The following ZNF618 variants were observed in gnomAD, a reference collection of about 807,000 sequenced individuals.
ZNF618 encodes zinc finger protein 618.
ZNF618 carries 34 observed loss-of-function variants against 103.0 expected under a neutral mutation model. The ratio of observed to expected loss-of-function variants is 0.33; its 90% confidence interval spans 0.25 to 0.44. The LOEUF is 0.44. Among genes scored for constraint, ZNF618 ranks in the 20% least tolerant of loss-of-function variants. ZNF618 has a pLI of 1.00. For synonymous variants in ZNF618, 551 were observed against 542.2 expected, an observed-to-expected ratio of 1.02 and a Z score of -0.23; for missense variants, 1,059 against 1,295.4, an observed-to-expected ratio of 0.82 and a Z score of 2.80.
intron 1 of ZNF618, among the ~76,000 whole-genome samples, chr9:113,937,788 TCA>T (rs1181779515): frequency 7.2e-5 from 11 of 152,254 alleles, no homozygotes; most frequent in African/African-American, 2.7e-4. Context: ...AATGACACAA[TCA>T]CAGTTTTCTA....
In ZNF618 at chr9:113,973,259, C is replaced by T. The variant is rs1293367147; in HGVS notation, c.77+4099C>T. 2.0e-5 allele frequency among the ~76,000 whole-genome samples: 3 copies of T among 152,178 alleles called. No individual in the cohort carries two copies. The East Asian group carries it at 5.8e-4, about 29-fold the overall frequency. ...CCAAAGTCAGAATTAGATTAGACGG[C>T]TCTGAGCAGAATGACCTTGAAGGAC... On this transcript the variant is annotated intron_variant, in intron 2 of 14. Coordinates refer to ENST00000374126, the MANE Select transcript of ZNF618 (RefSeq NM_001318042.2).
intron 2 of ZNF618, among the ~76,000 whole-genome samples, chr9:113,976,439 T>C (rs1838473775): frequency 6.6e-6 from 1 of 152,204 alleles, no homozygotes; most frequent in Non-Finnish European, 1.5e-5. Context: ...GCCCTTGATC[T>C]GAGAAGGCAA....
intron 1 of ZNF618, among the ~76,000 whole-genome samples, chr9:113,881,159 C>A (rs1333139121): frequency 6.6e-6 from 1 of 152,140 alleles, no homozygotes; most frequent in East Asian, 1.9e-4. Flanking sequence ...GTCTTTTGTT[C>A]CCCACTTTTA....
At chr9:114,037,960 C>T (rs754074522) in intron 13 of ZNF618, among the ~76,000 whole-genome samples, 2 of 152,186 alleles carry the variant, frequency 1.3e-5, no homozygotes, top group Non-Finnish European at 2.9e-5. Context: ...GTGTCTCCAT[C>T]TCTAAAGCAA....
intron 1 of ZNF618, among the ~76,000 whole-genome samples, chr9:113,951,493 G>GTGTA (rs1434814780): frequency 1.9e-5 from 1 of 51,284 alleles, no homozygotes; most frequent in African/African-American, 6.4e-5. Flanking sequence ...ATATATGTGT[G>GTGTA]TATGTGTACA....
intron 1 of ZNF618, among the ~76,000 whole-genome samples, chr9:113,883,325 C>T (rs1049084512): frequency 6.6e-6 from 1 of 152,226 alleles, no homozygotes; most frequent in Non-Finnish European, 1.5e-5. Flanking sequence ...CGTCTGATGA[C>T]TTTCACCCCT....
At chr9:114,046,562 T>C (rs1161453205) in intron 13 of ZNF618, among the ~76,000 whole-genome samples, 3 of 152,214 alleles carry the variant, frequency 2.0e-5, no homozygotes, top group Non-Finnish European at 2.9e-5. Flanking sequence ...AACATGACTC[T>C]ACATGTTGAA....
intron 1 of ZNF618, among the ~76,000 whole-genome samples, chr9:113,965,287 C>A (rs570006563): frequency 6.6e-6 from 1 of 151,980 alleles, no homozygotes; most frequent in African/African-American, 2.4e-5. Flanking sequence ...TACATTTGCA[C>A]AAATTTAGAA....
intron 1 of ZNF618, among the ~76,000 whole-genome samples, chr9:113,930,722 C>G (rs1281478618): frequency 6.6e-6 from 1 of 152,204 alleles, no homozygotes; most frequent in Non-Finnish European, 1.5e-5. Flanking sequence ...GCCTTCCTCG[C>G]TCAGCAGTGG....
intron 1 of ZNF618, among the ~76,000 whole-genome samples, chr9:113,898,319 C>T (rs1016395879): frequency 2.6e-5 from 4 of 152,052 alleles, no homozygotes; most frequent in African/African-American, 9.7e-5. Flanking sequence ...TTTCCTTCGC[C>T]CTCCCCCTGT....
intron 13 of ZNF618, among the ~76,000 whole-genome samples, chr9:114,042,731 C>T (rs949270046): frequency 2.0e-5 from 3 of 152,092 alleles, no homozygotes; most frequent in Admixed American, 1.3e-4. Context: ...TTAGGAGGCT[C>T]AGGTGGAGGA....
At chr9:113,923,242 T>TTTTTG (rs563910418) in intron 1 of ZNF618, among the ~76,000 whole-genome samples, 1 of 152,196 alleles carries the variant, frequency 6.6e-6, no homozygotes, top group Non-Finnish European at 1.5e-5. Context: ...AAAGAAATTT[T>TTTTTG]TTTTGTTTTG....
At chr9:113,879,173 T>G (rs1587905651) in intron 1 of ZNF618, among the ~76,000 whole-genome samples, 8 of 138,796 alleles carry the variant, frequency 5.8e-5, no homozygotes, top group Admixed American at 1.5e-4. Flanking sequence ...TGGGGAGGGG[T>G]GGAGGGGGGT....
chr9:113,976,485 C>G (rs1197056999), intron 2 of ZNF618, among the ~76,000 whole-genome samples: 1 of 152,196 alleles, frequency 6.6e-6, no homozygotes, highest in Non-Finnish European at 1.5e-5. Flanking sequence ...ATCTGTCTGG[C>G]TCTGCTGACA....
chr9:114,022,690 C>CT (rs961301394), intron 10 of ZNF618, among the ~76,000 whole-genome samples: 6 of 147,790 alleles, frequency 4.1e-5, no homozygotes, highest in Admixed American at 2.7e-4. Context: ...CTCTTTCCCA[C>CT]TTTCTTTTTT....
intron 10 of ZNF618, 67 bp downstream of exon 10, chr9:114,016,851 C>A: frequency 7.6e-7 from 1 of 1,312,884 alleles, no homozygotes; most frequent in Non-Finnish European, 1.1e-6. Context: ...AGCCGTTGGC[C>A]AGGCCTCTGG....
At chr9:113,988,912 C>T (rs990385973) in intron 3 of ZNF618, among the ~76,000 whole-genome samples, 3 of 152,204 alleles carry the variant, frequency 2.0e-5, no homozygotes, top group Non-Finnish European at 2.9e-5. Context: ...TCTCCCACAG[C>T]CCTTACTGCT....
chr9:113,938,159 G>C (rs1041017212), intron 1 of ZNF618, among the ~76,000 whole-genome samples: 14 of 144,172 alleles, frequency 9.7e-5, no homozygotes, highest in Non-Finnish European at 7.5e-5. Context: ...AAAGCTTCAG[G>C]CTCCTGTTTT....
intron 13 of ZNF618, among the ~76,000 whole-genome samples, chr9:114,038,849 G>A (rs532788805): frequency 3.3e-5 from 5 of 152,180 alleles, no homozygotes; most frequent in African/African-American, 4.8e-5. Context: ...CATAATCACT[G>A]GCCCAAAGTT....
Sources: gnomAD v4.1 joint callset for allele counts (sites outside exome capture counted in the v4.1 genomes callset) on GRCh38, gnomAD v4.1.1 for gene constraint, MANE v1.5 for transcripts, NCBI Gene and HGNC (gene_info 2026-07-23, HGNC 2026-07-21) for gene names.